The following AKAP6 variants were observed in gnomAD, a reference collection of about 807,000 sequenced individuals.
The protein encoded by AKAP6 is A-kinase anchoring protein 6.
A neutral mutation model predicts 188.5 loss-of-function variants in AKAP6; 58 were observed. The ratio of observed to expected loss-of-function variants is 0.31; its 90% confidence interval spans 0.25 to 0.38. AKAP6 has a LOEUF of 0.38. AKAP6 is among the 10% of genes least tolerant of loss of function. The pLI is 1.00. For synonymous variants in AKAP6, 989 were observed against 998.6 expected, an observed-to-expected ratio of 0.99 and a Z score of 0.18; for missense variants, 2,710 against 2,740.0, an observed-to-expected ratio of 0.99 and a Z score of 0.24.
At chr14:32,395,672 G>A (rs1888856841) in intron 1 of AKAP6, among the ~76,000 whole-genome samples, 1 of 152,174 alleles carries the variant, frequency 6.6e-6, no homozygotes, top group African/African-American at 2.4e-5. Context: ...CTATGTTGAT[G>A]TCTAAGGATT....
intron 2 of AKAP6, among the ~76,000 whole-genome samples, chr14:32,444,870 A>C (rs905918762): frequency 6.6e-6 from 1 of 152,244 alleles, no homozygotes; most frequent in Non-Finnish European, 1.5e-5. Context: ...GGGAAAATGG[A>C]ATCTATTTCT....
rs1388442688 is a variant in AKAP6, at chr14:32,632,064, T to C, written c.2730+31272T>C. Among the ~76,000 whole-genome samples the C allele has an allele frequency of 4.6e-5, 7 of 152,192 alleles. 1 individual carries two copies. The highest frequency in any genetic ancestry group is 4.6e-4 in the Admixed American group (7 of 15,274). On this transcript the variant is annotated intron_variant, in intron 7 of 13. Transcript: ENST00000280979. ...AGGCTTATAAACATTTTTTGGTGTT[T>C]TGTTTGTCTGTTTGTTTGTTTTTTG...
At chr14:32,825,158 G>A (rs1243014376) in intron 13 of AKAP6, among the ~76,000 whole-genome samples, 2 of 152,264 alleles carry the variant, frequency 1.3e-5, no homozygotes, top group Non-Finnish European at 2.9e-5. Flanking sequence ...TGATCAAAAT[G>A]CATGCATAGT....
Position 32,546,703 on chromosome 14 carries a change from T to G in AKAP6, c.2050T>G (p.Tyr684Asp), listed in dbSNP as rs1883215241. ...TTCAGATTCTGAAATCTATCCAACCTATCATGTCAAAAAGAAGCATACAAG... is the reference window on the plus strand; with the variant it reads ...TTCAGATTCTGAAATCTATCCAACCGATCATGTCAAAAAGAAGCATACAAG... ...MNSDSEIYPTYHVKKKHTRLG... is the reference protein window; with the variant it reads ...MNSDSEIYPTDHVKKKHTRLG... The change falls in exon 4 of 14, where the codon TAT (tyrosine) becomes GAT (aspartate). Residue 684 changes from tyrosine to aspartate, a missense_variant. Transcript: ENST00000280979. 3 of 1,613,988 alleles carry G rather than the reference T, an allele frequency of 1.9e-6. No individual in the cohort carries two copies. In the African/African-American group the frequency reaches 4.0e-5, roughly 22 times the overall value.
chr14:32,544,742 C>G (rs532265094), intron 3 of AKAP6, among the ~76,000 whole-genome samples: 1 of 152,116 alleles, frequency 6.6e-6, no homozygotes, highest in African/African-American at 2.4e-5. Context: ...ACACAACTGG[C>G]TTATTATAAT....
rs115570358 is a variant in AKAP6 at position 32,633,379 on chromosome 14, C to G, written c.2730+32587C>G. Reference sequence around the variant, plus strand: ...TTATAGTGACAGCATCTGCAAAAAGCACAGGGTTACTCTGGTAGATTGCAT... The same window carrying G: ...TTATAGTGACAGCATCTGCAAAAAGGACAGGGTTACTCTGGTAGATTGCAT... On this transcript the variant is annotated intron_variant, in intron 7 of 13. Transcript: ENST00000280979. Among the ~76,000 whole-genome samples, 621 of 152,178 alleles carry G rather than the reference C, an allele frequency of 4.1e-3. 3 individuals carry two copies. The highest frequency in any genetic ancestry group is 0.014 in the African/African-American group (600 of 41,536).
rs2034881454 is a variant in AKAP6 at position 32,836,937 on chromosome 14, G to C, written c.*7132G>C. Reference sequence around the variant, plus strand: ...AAATGGAACAGAACTTGGCCTCAAAGTGATGTTGGAAAAATAGCCAGTCCT... The same window carrying C: ...AAATGGAACAGAACTTGGCCTCAAACTGATGTTGGAAAAATAGCCAGTCCT... On this transcript the variant is annotated 3_prime_UTR_variant, in exon 14 of 14. Transcript: ENST00000280979. 1 of 152,216 alleles carries C rather than the reference G, an allele frequency of 6.6e-6. No individual in the cohort carries two copies. The highest frequency in any genetic ancestry group is 1.5e-5 in the Non-Finnish European group (1 of 68,042). 9.4% of individuals were successfully genotyped at this position (152,216 alleles called of 1,614,324 possible). A position where few individuals can be genotyped will look rare whatever the true frequency, so the allele number is the denominator to read the frequency against.
intron 2 of AKAP6, among the ~76,000 whole-genome samples, chr14:32,520,953 C>T (rs1798866374): frequency 6.6e-6 from 1 of 152,156 alleles, no homozygotes; most frequent in Non-Finnish European, 1.5e-5. Flanking sequence ...AAAATACTGG[C>T]AAACCGAATC....
intron 4 of AKAP6, among the ~76,000 whole-genome samples, chr14:32,567,946 G>A (rs1884276530): frequency 1.3e-5 from 2 of 152,202 alleles, no homozygotes; most frequent in South Asian, 4.1e-4. Flanking sequence ...GAAAAAAGAG[G>A]AGAAGTGGGG....
In AKAP6 at chr14:32,369,659, C is replaced by A. The variant is rs372608638; in HGVS notation, c.-35+40251C>A. On this transcript the variant is annotated intron_variant, in intron 1 of 13. Transcript: ENST00000280979. ...CTCAACAGGTGAGGGAGAAAACAAT[C>A]CATTTTAAGCACTGAGTTTATTCCT... Among the ~76,000 whole-genome samples, 3 of 152,130 alleles carry A rather than the reference C, an allele frequency of 2.0e-5. No individual in the cohort carries two copies. In the East Asian group the frequency reaches 5.8e-4, roughly 29 times the overall value.
At chr14:32,522,490 A>G (rs1881894730) in intron 2 of AKAP6, among the ~76,000 whole-genome samples, 1 of 139,362 alleles carries the variant, frequency 7.2e-6, no homozygotes. Context: ...ACAAACTTAC[A>G]AGAAAAAATC....
At chr14:32,489,289 G>A (rs1275768004) in intron 2 of AKAP6, among the ~76,000 whole-genome samples, 1 of 152,136 alleles carries the variant, frequency 6.6e-6, no homozygotes, top group African/African-American at 2.4e-5. Flanking sequence ...GCTCACTACA[G>A]TCTCAAACTC....
At chr14:32,361,129 G>A (rs975408482) in intron 1 of AKAP6, among the ~76,000 whole-genome samples, 4 of 150,812 alleles carry the variant, frequency 2.7e-5, no homozygotes, top group African/African-American at 9.7e-5. Context: ...TGAGATCAAG[G>A]AATCAATGTC....
intron 4 of AKAP6, among the ~76,000 whole-genome samples, chr14:32,572,664 G>A (rs1269558563): frequency 1.3e-5 from 2 of 152,212 alleles, no homozygotes; most frequent in African/African-American, 4.8e-5. Context: ...TGTTCACTGT[G>A]AAAATCATCT....
rs2032970288 is a variant in AKAP6 at position 32,773,795 on chromosome 14, C to G, written c.3490C>G (p.Gln1164Glu). The part of the protein sequence containing the change: ...CNLNADHQPM[Q>E]LIIVNLERRW... ...TCTGAATGCAGACCACCAGCCCATG[C>G]AGCTGATCATTGTAAATCTTGAAAG... Residue 1164 changes from glutamine (Q) to glutamate (E), a missense_variant, in exon 12 of 14, where the codon CAG becomes GAG. By Grantham distance (29) the Gln-to-Glu change is conservative (BLOSUM62 2). This residue lies in a region of AKAP6 where 2,473 missense variants were observed against 2,426.1 expected (regional missense o/e 1.02). Coordinates refer to ENST00000280979, the MANE Select transcript of AKAP6 (RefSeq NM_004274.5). 1 of 1,613,990 alleles carries G rather than the reference C, an allele frequency of 6.2e-7. No individual in the cohort carries two copies. The highest frequency in any genetic ancestry group is 1.3e-5 in the African/African-American group (1 of 74,916).
chr14:32,405,087 C>G (rs780634633), intron 1 of AKAP6, among the ~76,000 whole-genome samples: 17 of 151,964 alleles, frequency 1.1e-4, no homozygotes, highest in Non-Finnish European at 2.1e-4. Flanking sequence ...GTCCTAACCT[C>G]ACTCTTCTCT....
chr14:32,747,216 A>G (rs111883468), intron 11 of AKAP6, among the ~76,000 whole-genome samples: 6 of 152,326 alleles, frequency 3.9e-5, no homozygotes, highest in African/African-American at 1.4e-4. Context: ...AACCACATTT[A>G]AAGGAGATGA....
intron 2 of AKAP6, among the ~76,000 whole-genome samples, chr14:32,467,212 G>GA (rs71432058): frequency 0.025 from 2,587 of 102,846 alleles, 74 homozygotes; most frequent in African/African-American, 0.079. Context: ...AAGTTGGAAG[G>GA]AAAAAAAAAC....
chr14:32,613,050 A>G (rs1025651351), intron 7 of AKAP6, among the ~76,000 whole-genome samples: 1 of 152,236 alleles, frequency 6.6e-6, no homozygotes, highest in African/African-American at 2.4e-5. Context: ...TAAATGATGA[A>G]TGAGGTTTAG....
Sources: gnomAD v4.1 joint callset for allele counts (sites outside exome capture counted in the v4.1 genomes callset) on GRCh38, gnomAD v4.1.1 for gene constraint, gnomAD v4.1.1 regional missense constraint, MANE v1.5 for transcripts, NCBI Gene and HGNC (gene_info 2026-07-23, HGNC 2026-07-21) for gene names.